The following PARD3B variants were observed in gnomAD, a reference collection of about 807,000 sequenced individuals.
PARD3B encodes the protein par-3 family cell polarity regulator beta, also known as partitioning defective 3 homolog B.
Under a neutral mutation model 130.2 loss-of-function variants are expected in PARD3B, and 103 were observed. That is an observed-to-expected ratio of 0.79 (90% CI 0.67 to 0.93). The LOEUF is 0.93. Ranked by LOEUF, PARD3B falls within the 40% of genes least tolerant of loss-of-function variation. The pLI is 0.00. For missense variants in PARD3B, 1,609 were observed against 1,499.2 expected, an observed-to-expected ratio of 1.07 and a Z score of -1.21; for synonymous variants, 583 against 553.2, an observed-to-expected ratio of 1.05 and a Z score of -0.76.
intron 1 of PARD3B, among the ~76,000 whole-genome samples, chr2:204,679,008 A>C (rs2036695134): frequency 6.6e-6 from 1 of 152,152 alleles, no homozygotes; most frequent in Non-Finnish European, 1.5e-5. Flanking sequence ...TTGTGAATTA[A>C]TTATGCCTCT....
chr2:204,928,445 A>G (rs915625698), intron 2 of PARD3B, among the ~76,000 whole-genome samples: 3 of 152,202 alleles, frequency 2.0e-5, no homozygotes, highest in African/African-American at 7.2e-5. Context: ...GAAAGACTAC[A>G]AGGACGATAA....
At chr2:205,238,365 G>C (rs929293051) in intron 15 of PARD3B, among the ~76,000 whole-genome samples, 1 of 152,028 alleles carries the variant, frequency 6.6e-6, no homozygotes, top group African/African-American at 2.4e-5. Context: ...CATCTACTTG[G>C]GTTGCTGAGG....
At chr2:205,431,794 G>A (rs2047347884) in intron 19 of PARD3B, among the ~76,000 whole-genome samples, 1 of 152,002 alleles carries the variant, frequency 6.6e-6, no homozygotes, top group Admixed American at 6.6e-5. Flanking sequence ...ATGTGATCAT[G>A]TTTAGATTAT....
At chr2:205,579,000 A>G (rs2053865554) in intron 22 of PARD3B, among the ~76,000 whole-genome samples, 1 of 152,270 alleles carries the variant, frequency 6.6e-6, no homozygotes, top group Non-Finnish European at 1.5e-5. Flanking sequence ...CTGTTTTAAT[A>G]AAGTGTATCC....
At position 204,958,337 on chromosome 2, in the gene PARD3B, G is replaced by A. The variant is rs138736357; in HGVS notation, c.223-6815G>A. ...TTTATTGTTAAAATATTTACTTGTC[G>A]GCATAGAAGTTGAAGGCATTGGTAT... On this transcript the variant is annotated intron_variant, in intron 2 of 22. Transcript: ENST00000406610. Among the ~76,000 whole-genome samples the A allele has an allele frequency of 3.3e-5, 5 of 152,216 alleles. No individual in the cohort carries two copies. In the East Asian group the frequency reaches 5.8e-4, roughly 18 times the overall value.
intron 22 of PARD3B, among the ~76,000 whole-genome samples, chr2:205,559,623 G>C (rs2053054084): frequency 1.6e-5 from 2 of 122,094 alleles, no homozygotes; most frequent in Admixed American, 2.0e-4. Flanking sequence ...TTTTGAGACA[G>C]AGTCTCACTC....
At position 205,397,845 on chromosome 2, in the gene PARD3B, C is replaced by T. The variant is rs558065250; in HGVS notation, c.2631-3168C>T. 3.3e-5 allele frequency among the ~76,000 whole-genome samples: 5 copies of T among 152,220 alleles called. No individual in the cohort carries two copies. In the South Asian group the frequency reaches 1.0e-3, roughly 32 times the overall value. ...GATGTACTGAGCTATTAACTTCTCA[C>T]GTAAACATACTTAGAGTAATAATGT... is the stretch of plus-strand genomic sequence containing the variant. On this transcript the variant is annotated intron_variant, in intron 18 of 22. Coordinates refer to ENST00000406610, the MANE Select transcript of PARD3B (RefSeq NM_001302769.2). The surrounding 1 kb of genome is among the most constrained non-coding windows in gnomAD (Gnocchi z 4.8).
Position 205,539,866 on chromosome 2 carries a change from T to A in PARD3B, c.3181-13458T>A, listed in dbSNP as rs376176195. Among the ~76,000 whole-genome samples, 16 of 151,982 alleles carry A rather than the reference T, an allele frequency of 1.1e-4. No homozygotes were observed. The East Asian group carries it at 2.7e-3, about 26-fold the overall frequency. On this transcript the variant is annotated intron_variant, in intron 21 of 22. Transcript: ENST00000406610. The stretch of plus-strand genomic sequence containing the variant: ...ACGGTTAGATGTGACTCAGGTGAAG[T>A]TTTTTCAAAGCCCTCTTAGCCAAAG...
intron 3 of PARD3B, among the ~76,000 whole-genome samples, chr2:205,035,673 A>G (rs555123051): frequency 1.6e-3 from 244 of 151,484 alleles, no homozygotes; most frequent in Non-Finnish European, 2.8e-3. Context: ...TTACTTACCA[A>G]GATGACTGGC....
intron 20 of PARD3B, among the ~76,000 whole-genome samples, chr2:205,490,480 A>C (rs1423605151): frequency 6.6e-6 from 1 of 152,146 alleles, no homozygotes; most frequent in Non-Finnish European, 1.5e-5. Context: ...TCTGTGGTGT[A>C]TATGTGCCAC....
chr2:205,521,862 A>G, intron 21 of PARD3B, among the ~76,000 whole-genome samples: 1 of 152,082 alleles, frequency 6.6e-6, no homozygotes, highest in East Asian at 1.9e-4. Flanking sequence ...AACAATGTCT[A>G]TAATGTAGGA....
Position 204,794,301 on chromosome 2 carries a change from A to G in PARD3B, c.222+108019A>G, listed in dbSNP as rs191497633. Among the ~76,000 whole-genome samples, 15 of 152,352 alleles carry G rather than the reference A, an allele frequency of 9.8e-5. No homozygotes were observed. The East Asian group carries it at 2.9e-3, about 29-fold the overall frequency. On this transcript the variant is annotated intron_variant, in intron 2 of 22. Transcript: ENST00000406610. ...ACCTCAAGGAAAAATGAATTATATT[A>G]TTACAAGATTGTTTTTAAGTTTGAT...
At chr2:204,810,290 G>C (rs917089613) in intron 2 of PARD3B, among the ~76,000 whole-genome samples, 1 of 152,046 alleles carries the variant, frequency 6.6e-6, no homozygotes, top group Non-Finnish European at 1.5e-5. Context: ...TGTTGAATAG[G>C]CATGATAAGA....
At chr2:204,932,165 G>C (rs1040161973) in intron 2 of PARD3B, among the ~76,000 whole-genome samples, 1 of 152,018 alleles carries the variant, frequency 6.6e-6, no homozygotes, top group African/African-American at 2.4e-5. Flanking sequence ...TCAGTATAGA[G>C]GATTGACACA....
At chr2:205,573,813 C>T (rs1483832410) in intron 22 of PARD3B, among the ~76,000 whole-genome samples, 3 of 152,116 alleles carry the variant, frequency 2.0e-5, no homozygotes, top group Non-Finnish European at 2.9e-5. Flanking sequence ...AATTTATACT[C>T]TTTGTGAGAA....
At chr2:204,736,371 C>T (rs2039751164) in intron 2 of PARD3B, among the ~76,000 whole-genome samples, 1 of 151,930 alleles carries the variant, frequency 6.6e-6, no homozygotes, top group Non-Finnish European at 1.5e-5. Context: ...TTAGTGTACC[C>T]ATCAAACTGT....
chr2:204,632,317 T>G (rs887616920), intron 1 of PARD3B, among the ~76,000 whole-genome samples: 2 of 152,116 alleles, frequency 1.3e-5, no homozygotes, highest in African/African-American at 2.4e-5. Flanking sequence ...CCTTTATAAA[T>G]TACCCAGTCT....
chr2:205,037,868 A>G (rs1698118002), intron 3 of PARD3B, among the ~76,000 whole-genome samples: 1 of 152,110 alleles, frequency 6.6e-6, no homozygotes, highest in African/African-American at 2.4e-5. Flanking sequence ...AAAATTATAT[A>G]ATCATGTGAT....
chr2:204,973,569 C>T (rs1457336534), intron 3 of PARD3B, among the ~76,000 whole-genome samples: 1 of 120,124 alleles, frequency 8.3e-6, no homozygotes, highest in African/African-American at 3.2e-5. Flanking sequence ...CCCAGATGGG[C>T]AGGCAAAAAA....
Sources: allele counts gnomAD v4.1 joint callset (sites outside exome capture counted in the v4.1 genomes callset), GRCh38; gene constraint gnomAD v4.1.1; non-coding constraint Gnocchi (gnomAD v3.1); transcripts MANE v1.5; gene names NCBI Gene and HGNC (gene_info 2026-07-23, HGNC 2026-07-21).